Variants in C1orf54 observed in about 807,000 individuals in gnomAD.
C1orf54 encodes uncharacterized protein C1orf54.
C1orf54 carries 12 observed loss-of-function variants against 14.7 expected under a neutral mutation model. The ratio of observed to expected loss-of-function variants is 0.82; its 90% CI spans 0.52 to 1.32. The LOEUF is 1.32. Among genes scored for constraint, C1orf54 ranks in the 40% most tolerant of loss-of-function variants. The pLI, the probability that C1orf54 is intolerant of heterozygous loss-of-function variation, is 0.00. For missense variants in C1orf54, 163 were observed against 162.2 expected (o/e 1.00, Z -0.03); for synonymous variants, 65 against 56.3 (o/e 1.16, Z -0.70).
chr1:150,278,553 G>C (rs1455094399), intron 4 of C1orf54, among the ~76,000 whole-genome samples: 2 of 152,218 alleles, frequency 1.3e-5, no homozygotes, highest in Non-Finnish European at 2.9e-5. Flanking sequence ...GAAGGCCAGT[G>C]ACTGTGCCTG....
At chr1:150,275,937 G>A in intron 3 of C1orf54, 138 bp downstream of exon 3, 1 of 665,682 alleles carries the variant, frequency 1.5e-6, no homozygotes. Context: ...AAGAGTTTGA[G>A]ACCAGCCTGG....
chr1:150,278,263 G>C (rs1652830042), intron 4 of C1orf54, among the ~76,000 whole-genome samples: 1 of 152,172 alleles, frequency 6.6e-6, no homozygotes, highest in African/African-American at 2.4e-5. Context: ...TTGCTTGAGT[G>C]ATAATTTTAT....
At chr1:150,274,740 C>T (rs1261335991) in intron 2 of C1orf54, among the ~76,000 whole-genome samples, 3 of 151,852 alleles carry the variant, frequency 2.0e-5, no homozygotes, top group Admixed American at 6.6e-5. Context: ...TGGTGAAACC[C>T]TGTCTCTACT....
chr1:150,273,380 G>A (rs1652369914), intron 1 of C1orf54, among the ~76,000 whole-genome samples: 1 of 152,212 alleles, frequency 6.6e-6, no homozygotes, highest in African/African-American at 2.4e-5. Flanking sequence ...TACCAGGTGT[G>A]TCTCATTGTT....
rs782332960 is a variant in C1orf54 at position 150,279,646 on chromosome 1, C to A, written c.304C>A (p.Pro102Thr). 6.2e-7 allele frequency: 1 copy of A among 1,610,468 alleles called. No individual in the cohort carries two copies. Among genetic ancestry groups the A allele is most frequent in the Non-Finnish European group, 8.5e-7 (1 of 1,178,410 alleles). Residue 102 changes from proline to threonine, a missense_variant, in exon 5 of 6, where the codon CCA becomes ACA. Transcript: ENST00000369099. ...GGGGATGTCGGTATTTTAGCAGAGT[C>A]CAGATCTGAACGATGCCGTGTCCAG... is the stretch of plus-strand genomic sequence containing the variant. ...TVKPVTTEPS[P>T]DLNDAVSSLR...
chr1:150,277,216 G>A (rs1553852675), intron 4 of C1orf54, among the ~76,000 whole-genome samples: 1 of 152,124 alleles, frequency 6.6e-6, no homozygotes, highest in Non-Finnish European at 1.5e-5. Context: ...GAGTGAAAGA[G>A]GCCAGGTATG....
At chr1:150,278,443 G>A (rs1652841253) in intron 4 of C1orf54, among the ~76,000 whole-genome samples, 1 of 152,148 alleles carries the variant, frequency 6.6e-6, no homozygotes, top group African/African-American at 2.4e-5. Flanking sequence ...CTATGAGGGT[G>A]TCCTAAAGGT....
At chr1:150,279,517 T>C in intron 4 of C1orf54, 126 bp from the exon 5 acceptor site, 3 of 906,676 alleles carry the variant, frequency 3.3e-6, no homozygotes, top group Non-Finnish European at 5.1e-6. Flanking sequence ...TGGATCTTTC[T>C]CTAAGCCCAA....
At chr1:150,277,601 A>C (rs111847781) in intron 4 of C1orf54, among the ~76,000 whole-genome samples, 2 of 149,938 alleles carry the variant, frequency 1.3e-5, no homozygotes, top group South Asian at 4.3e-4. Flanking sequence ...TGATTGAAGG[A>C]GAGGGTATAT....
intron 3 of C1orf54, 134 bp downstream of exon 3, chr1:150,275,933 T>C (rs1345540446): frequency 4.3e-6 from 3 of 696,158 alleles, no homozygotes; most frequent in Non-Finnish European, 7.1e-6. Flanking sequence ...GGTCAAGAGT[T>C]TGAGACCAGC....
At chr1:150,280,023 A>G (rs782216240) in intron 5 of C1orf54, among the ~76,000 whole-genome samples, 2 of 152,332 alleles carry the variant, frequency 1.3e-5, no homozygotes, top group South Asian at 2.1e-4. Flanking sequence ...AAAATTAAAA[A>G]TAAATAAATA....
intron 4 of C1orf54, among the ~76,000 whole-genome samples, chr1:150,277,227 G>T (rs1242281769): frequency 6.6e-6 from 1 of 152,150 alleles, no homozygotes; most frequent in Non-Finnish European, 1.5e-5. Flanking sequence ...GCCAGGTATG[G>T]CGGCTTATGC....
intron 1 of C1orf54, among the ~76,000 whole-genome samples, 199 bp from the exon 2 acceptor site, chr1:150,273,888 T>TA (rs1553851839): frequency 6.6e-6 from 1 of 152,006 alleles, no homozygotes; most frequent in Non-Finnish European, 1.5e-5. Context: ...CAGGCCTCAT[T>TA]ACAGATATGG....
Position 150,279,680 on chromosome 1 carries a change from G to A in C1orf54, c.338G>A (p.Ser113Asn). ...AACGATGCCGTGTCCAGTTTGCGAA[G>A]TCCTATTCCCCTCCTCCTGTCGTGT... ...DLNDAVSSLR[S>N]PIPLLLSCAF... Residue 113 changes from serine (S) to asparagine (N), a missense_variant, in exon 5 of 6, where the codon AGT becomes AAT. Coordinates refer to ENST00000369099, the MANE Select transcript of C1orf54 (RefSeq NM_024579.4). The A allele has an allele frequency of 6.2e-7, 1 of 1,613,230 alleles. No individual in the cohort carries two copies. Among genetic ancestry groups the A allele is most frequent in the Non-Finnish European group, 8.5e-7 (1 of 1,179,640 alleles).
chr1:150,272,514 T>A (rs587774083), upstream of C1orf54: 56 of 295,426 alleles, frequency 1.9e-4, no homozygotes, highest in African/African-American at 1.0e-3. Flanking sequence ...GCTTATTTTT[T>A]ATTTTTATTT....
chr1:150,279,348 A>G (rs1553853036), intron 4 of C1orf54, among the ~76,000 whole-genome samples: 1 of 152,236 alleles, frequency 6.6e-6, no homozygotes, highest in East Asian at 1.9e-4. Context: ...TGTCTTATTC[A>G]TATTTATGTC....
chr1:150,273,041 A>AG (rs1242820754), intron 1 of C1orf54, among the ~76,000 whole-genome samples, 178 bp downstream of exon 1: 5 of 152,146 alleles, frequency 3.3e-5, no homozygotes, highest in Non-Finnish European at 7.3e-5. Context: ...GAGCCAGGAA[A>AG]GGGGGAAAAA....
intron 3 of C1orf54, 64 bp downstream of exon 3, chr1:150,275,863 G>A (rs183364424): frequency 1.2e-4 from 165 of 1,424,454 alleles, no homozygotes; most frequent in Admixed American, 5.0e-4. Context: ...CTGGCCGGGC[G>A]CAGTGGCTCA....
intron 1 of C1orf54, 127 bp from the exon 2 acceptor site, chr1:150,273,960 G>GGA (rs142617444): frequency 1.4e-3 from 895 of 643,354 alleles, no homozygotes; most frequent in Middle Eastern, 3.9e-3. Flanking sequence ...GACTATTGGA[G>GGA]GAGAGAGAGA....
Sources: gnomAD v4.1 joint callset for allele counts (sites outside exome capture counted in the v4.1 genomes callset) on GRCh38, gnomAD v4.1.1 for gene constraint, MANE v1.5 for transcripts, NCBI Gene and HGNC (gene_info 2026-07-23, HGNC 2026-07-21) for gene names.